CCDC149: variants seen among roughly 807,000 people sequenced by gnomAD.
The protein encoded by CCDC149 is coiled-coil domain-containing protein 149.
CCDC149 carries 45 observed loss-of-function variants against 59.9 expected under a neutral mutation model. The ratio of observed to expected loss-of-function variants is 0.75; its 90% CI spans 0.59 to 0.96. CCDC149 has a LOEUF of 0.96. Among genes scored for constraint, CCDC149 ranks in the 40% least tolerant of loss-of-function variants. The pLI is 0.00. For synonymous variants in CCDC149, 245 were observed against 260.6 expected (o/e 0.94, Z 0.58); for missense variants, 584 against 664.7 (o/e 0.88, Z 1.33).
At chr4:24,873,741 A>G in intron 2 of CCDC149, 22 bp from the exon 3 acceptor site, 4 of 1,592,306 alleles carry the variant, frequency 2.5e-6, no homozygotes, top group Non-Finnish European at 2.6e-6. Context: ...CAAATGCTGC[A>G]TTTTACTCTT....
In CCDC149 at chr4:24,822,576, G is replaced by A. The variant is rs1290396409; in HGVS notation, c.966-3C>T. On this transcript the variant is annotated splice_polypyrimidine_tract_variant and splice_region_variant and intron_variant, in intron 9 of 12. Transcript: ENST00000635206. ...CAGCCACCCGATTCCCTAGGATTCTGAAAAAAGGGGAGAAAATGACAATCA... is the reference window on the plus strand; with the variant it reads ...CAGCCACCCGATTCCCTAGGATTCTAAAAAAAGGGGAGAAAATGACAATCA... The A allele has an allele frequency of 1.3e-6, 2 of 1,526,946 alleles. No individual in the cohort carries two copies. The highest frequency in any genetic ancestry group is 1.3e-5 in the South Asian group (1 of 79,614). 94.6% of individuals were successfully genotyped at this position (1,526,946 alleles called of 1,614,324 possible).
intron 1 of CCDC149, among the ~76,000 whole-genome samples, chr4:24,909,655 G>T (rs962972565): frequency 6.6e-6 from 1 of 152,138 alleles, no homozygotes; most frequent in African/African-American, 2.4e-5. Context: ...TTGTGGGAGG[G>T]ACCTGGTGGG....
chr4:24,960,249 A>C (rs1159154914), intron 1 of CCDC149, among the ~76,000 whole-genome samples: 1 of 152,184 alleles, frequency 6.6e-6, no homozygotes, highest in Non-Finnish European at 1.5e-5. Context: ...AAAACAAAAA[A>C]GATAATATAA....
At chr4:24,935,013 C>T (rs1246448269) in intron 1 of CCDC149, among the ~76,000 whole-genome samples, 1 of 152,178 alleles carries the variant, frequency 6.6e-6, no homozygotes, top group African/African-American at 2.4e-5. Context: ...AAGGATCCCA[C>T]TGGCTTCCAT....
At chr4:24,825,705 A>C (rs2109116366) in intron 9 of CCDC149, among the ~76,000 whole-genome samples, 1 of 151,530 alleles carries the variant, frequency 6.6e-6, no homozygotes, top group Admixed American at 6.6e-5. Context: ...CCCAGGAGGC[A>C]GAGCTTGTAG....
intron 1 of CCDC149, among the ~76,000 whole-genome samples, chr4:24,969,822 C>T (rs1489857825): frequency 6.6e-6 from 1 of 152,240 alleles, no homozygotes; most frequent in African/African-American, 2.4e-5. Flanking sequence ...TCCAAGCCTG[C>T]ACAGCCAGTG....
At chr4:24,845,627 C>T (rs1717237134) in intron 4 of CCDC149, among the ~76,000 whole-genome samples, 1 of 152,208 alleles carries the variant, frequency 6.6e-6, no homozygotes, top group African/African-American at 2.4e-5. Flanking sequence ...TGTCCATCTG[C>T]CTCCACTAGA....
At chr4:24,873,765 T>C in intron 2 of CCDC149, 46 bp from the exon 3 acceptor site, 1 of 1,463,476 alleles carries the variant, frequency 6.8e-7, no homozygotes, top group Non-Finnish European at 9.6e-7. Flanking sequence ...GAAAAATAGA[T>C]GTACTTAGAA....
At chr4:24,871,614 TTCTCTC>T (rs368515161) in intron 3 of CCDC149, among the ~76,000 whole-genome samples, 2 of 150,774 alleles carry the variant, frequency 1.3e-5, no homozygotes, top group African/African-American at 2.4e-5. Flanking sequence ...TGCTCTCTCA[TTCTCTC>T]TCTCTCTCTC....
intron 12 of CCDC149, among the ~76,000 whole-genome samples, chr4:24,813,521 T>C (rs901757389): frequency 1.1e-5 from 1 of 89,726 alleles, no homozygotes; most frequent in African/African-American, 4.2e-5. Context: ...TATATATATA[T>C]ATATATAAAA....
At chr4:24,834,538 T>C (rs1374291616) in intron 8 of CCDC149, among the ~76,000 whole-genome samples, 2 of 152,182 alleles carry the variant, frequency 1.3e-5, no homozygotes, top group Non-Finnish European at 2.9e-5. Context: ...AAACGCACCC[T>C]TGGAGATGCT....
intron 1 of CCDC149, among the ~76,000 whole-genome samples, chr4:24,951,898 G>A (rs1387976464): frequency 6.6e-6 from 1 of 152,232 alleles, no homozygotes; most frequent in East Asian, 1.9e-4. Flanking sequence ...AAACTCCGCA[G>A]AGGTAAGTGC....
downstream of CCDC149, among the ~76,000 whole-genome samples, chr4:24,805,283 G>A (rs922054061): frequency 3.3e-5 from 5 of 152,114 alleles, no homozygotes; most frequent in African/African-American, 7.2e-5. Flanking sequence ...GGACAAACAC[G>A]TCTGAACAGG....
chr4:24,956,669 C>A (rs555778858), intron 1 of CCDC149, among the ~76,000 whole-genome samples: 1 of 152,276 alleles, frequency 6.6e-6, no homozygotes, highest in East Asian at 1.9e-4. Flanking sequence ...AGGGGTCTGC[C>A]ACATTGATTA....
At chr4:24,825,343 T>C (rs1715659628) in intron 9 of CCDC149, among the ~76,000 whole-genome samples, 1 of 152,202 alleles carries the variant, frequency 6.6e-6, no homozygotes, top group African/African-American at 2.4e-5. Context: ...AGATGCTCCC[T>C]TGGTGTCCTG....
rs1292729085 is a variant in CCDC149, at chr4:24,862,870, T to C, written c.265-9691A>G. On this transcript the variant is annotated intron_variant, in intron 3 of 12. Transcript: ENST00000635206. Reference sequence around the variant, plus strand: ...TTTTTTTCTGTGAATTCCCATTGCATGTAAAATGTTAATAAAATTGTATGC... The same window carrying C: ...TTTTTTTCTGTGAATTCCCATTGCACGTAAAATGTTAATAAAATTGTATGC... Among the ~76,000 whole-genome samples the C allele has an allele frequency of 2.0e-5, 3 of 150,998 alleles. No individual in the cohort carries two copies. In the East Asian group the frequency reaches 5.8e-4, roughly 29 times the overall value.
chr4:24,852,287 T>TACAC (rs768071017), intron 4 of CCDC149, among the ~76,000 whole-genome samples: 18,335 of 120,856 alleles, frequency 0.15, 1,328 homozygotes, highest in Admixed American at 0.17. Flanking sequence ...CAACACACCA[T>TACAC]ACACACACAC....
intron 2 of CCDC149, among the ~76,000 whole-genome samples, chr4:24,875,862 A>G (rs1719382739): frequency 6.6e-6 from 1 of 152,238 alleles, no homozygotes; most frequent in Admixed American, 6.5e-5. Flanking sequence ...AATTAAATTA[A>G]CAAGTAAACA....
chr4:24,969,854 G>T (rs1271366445), intron 1 of CCDC149, among the ~76,000 whole-genome samples: 2 of 152,242 alleles, frequency 1.3e-5, no homozygotes, highest in African/African-American at 2.4e-5. Flanking sequence ...TAGCTCCCTT[G>T]GGGGAGGGCC....
Sources: allele counts gnomAD v4.1 joint callset (sites outside exome capture counted in the v4.1 genomes callset), GRCh38; gene constraint gnomAD v4.1.1; transcripts MANE v1.5; gene names NCBI Gene and HGNC (gene_info 2026-07-23, HGNC 2026-07-21).